TMEM132D: variants seen among roughly 807,000 people sequenced by gnomAD.
TMEM132D encodes mature OL transmembrane protein.
In TMEM132D, 21 loss-of-function variants were observed where a neutral mutation model predicts 62.3. The ratio of observed to expected loss-of-function variants is 0.34; its 90% CI spans 0.24 to 0.49. TMEM132D has a LOEUF of 0.49. TMEM132D is among the 20% of genes least tolerant of loss of function. The pLI, the probability that TMEM132D is intolerant of heterozygous loss-of-function variation, is 0.99. For missense variants in TMEM132D, 1,346 were observed against 1,402.8 expected, an observed-to-expected ratio of 0.96 and a Z score of 0.65; for synonymous variants, 621 against 575.6, an observed-to-expected ratio of 1.08 and a Z score of -1.13.
chr12:129,281,747 C>T (rs1446429692), intron 4 of TMEM132D, among the ~76,000 whole-genome samples: 1 of 152,216 alleles, frequency 6.6e-6, no homozygotes, highest in Admixed American at 6.5e-5. Flanking sequence ...CAGCTCCCAG[C>T]TCCCATTGGC....
chr12:129,530,261 G>T (rs757051061), intron 3 of TMEM132D, among the ~76,000 whole-genome samples: 7 of 152,130 alleles, frequency 4.6e-5, no homozygotes, highest in Non-Finnish European at 1.0e-4. Flanking sequence ...CACTGAGCTA[G>T]GAAGTTTAAA....
At chr12:129,663,296 G>A (rs563414764) in intron 2 of TMEM132D, among the ~76,000 whole-genome samples, 17 of 152,270 alleles carry the variant, frequency 1.1e-4, no homozygotes, top group African/African-American at 2.6e-4. Flanking sequence ...GTGCCACCAC[G>A]TCCAGCTAAT....
At chr12:129,151,566 T>C (rs879647477) in intron 5 of TMEM132D, among the ~76,000 whole-genome samples, 4 of 152,196 alleles carry the variant, frequency 2.6e-5, no homozygotes, top group African/African-American at 4.8e-5. Flanking sequence ...GGCACCCATA[T>C]GGTCACGGCG....
chr12:129,882,793 T>C (rs960919670), intron 1 of TMEM132D, among the ~76,000 whole-genome samples: 3 of 152,146 alleles, frequency 2.0e-5, no homozygotes, highest in Admixed American at 2.0e-4. Context: ...TGGCAATTGG[T>C]GCAATAGAAG....
intron 5 of TMEM132D, among the ~76,000 whole-genome samples, chr12:129,121,488 A>G (rs1004117686): frequency 6.6e-6 from 1 of 152,188 alleles, no homozygotes; most frequent in Non-Finnish European, 1.5e-5. Context: ...CAAAAGAGTC[A>G]TTTGGGAAAG....
chr12:129,704,694 T>C lies in TMEM132D; in HGVS notation c.80-3996A>G, dbSNP rs78772329. ...CCCCCAGGGATGCCGGGTCATATGG[T>C]AACATGCAACGCCAATGTAAACAAG... is the stretch of plus-strand genomic sequence containing the variant. On this transcript the variant is annotated intron_variant, in intron 1 of 8. Coordinates refer to ENST00000422113, the MANE Select transcript of TMEM132D (RefSeq NM_133448.3). 4.8e-4 allele frequency among the ~76,000 whole-genome samples: 70 copies of C among 146,446 alleles called. No individual in the cohort carries two copies. In the East Asian group the frequency reaches 0.013, roughly 28 times the overall value.
chr12:129,529,435 C>A (rs981241161), intron 3 of TMEM132D, among the ~76,000 whole-genome samples: 2 of 152,236 alleles, frequency 1.3e-5, no homozygotes, highest in African/African-American at 4.8e-5. Context: ...AAGGAGCCAC[C>A]ATTGGGCCCC....
At chr12:129,890,244 T>C (rs939902863) in intron 1 of TMEM132D, among the ~76,000 whole-genome samples, 4 of 152,146 alleles carry the variant, frequency 2.6e-5, no homozygotes, top group Non-Finnish European at 4.4e-5. Context: ...ATCTGGAACT[T>C]GGCGCAGGGC....
chr12:129,715,627 T>C (rs1868543497), intron 1 of TMEM132D, among the ~76,000 whole-genome samples: 1 of 152,198 alleles, frequency 6.6e-6, no homozygotes, highest in Middle Eastern at 3.2e-3. Context: ...CAATTCAACG[T>C]TCCTTTACTC....
chr12:129,425,349 C>G (rs1249729113), intron 3 of TMEM132D, among the ~76,000 whole-genome samples: 1 of 150,746 alleles, frequency 6.6e-6, no homozygotes, highest in Non-Finnish European at 1.5e-5. Flanking sequence ...AGTTGCTGCA[C>G]TATTTTCCAT....
intron 2 of TMEM132D, among the ~76,000 whole-genome samples, chr12:129,577,569 G>A (rs1052561808): frequency 6.6e-6 from 1 of 151,590 alleles, no homozygotes; most frequent in East Asian, 1.9e-4. Flanking sequence ...TTTTATATTA[G>A]ATTTGTATAA....
intron 4 of TMEM132D, among the ~76,000 whole-genome samples, chr12:129,234,882 T>A (rs976221109): frequency 1.3e-5 from 2 of 152,230 alleles, no homozygotes; most frequent in Admixed American, 1.3e-4. Flanking sequence ...GAGTTAGGCA[T>A]CTTATATGCA....
At chr12:129,527,489 C>T (rs1486590783) in intron 3 of TMEM132D, among the ~76,000 whole-genome samples, 2 of 152,124 alleles carry the variant, frequency 1.3e-5, no homozygotes, top group African/African-American at 4.8e-5. Flanking sequence ...GAGATACTAG[C>T]CCTTAAAAGA....
intron 5 of TMEM132D, among the ~76,000 whole-genome samples, chr12:129,145,957 A>C (rs908316655): frequency 1.3e-5 from 2 of 152,146 alleles, no homozygotes; most frequent in African/African-American, 2.4e-5. Flanking sequence ...GCCTAAAACA[A>C]AACAAAACTG....
intron 3 of TMEM132D, among the ~76,000 whole-genome samples, chr12:129,400,724 C>T (rs771990836): frequency 3.1e-4 from 47 of 152,114 alleles, no homozygotes; most frequent in Non-Finnish European, 5.0e-4. Flanking sequence ...AAAATTTATA[C>T]TTTCTTAAAG....
In TMEM132D at chr12:129,884,246, T is replaced by C. The variant is rs149049156; in HGVS notation, c.79+19015A>G. Among the ~76,000 whole-genome samples, 550 of 152,296 alleles carry C rather than the reference T, an allele frequency of 3.6e-3. 2 individuals carry two copies. Among genetic ancestry groups the C allele is most frequent in the Non-Finnish European group, 6.0e-3 (410 of 68,012 alleles). ...AGATATGGCAATATCAGTTACATAA[T>C]AGAAAAGAAGATAAACTGGATGTCT... On this transcript the variant is annotated intron_variant, in intron 1 of 8. Coordinates refer to ENST00000422113, the MANE Select transcript of TMEM132D (RefSeq NM_133448.3).
intron 4 of TMEM132D, among the ~76,000 whole-genome samples, chr12:129,292,976 T>C (rs2135620870): frequency 6.6e-6 from 1 of 152,150 alleles, no homozygotes; most frequent in Admixed American, 6.5e-5. Context: ...AGTAGAGATA[T>C]TGGTGGATCT....
chr12:129,227,228 A>C (rs1459436578), intron 4 of TMEM132D, among the ~76,000 whole-genome samples: 5 of 143,214 alleles, frequency 3.5e-5, no homozygotes, highest in Non-Finnish European at 7.9e-5. Context: ...CTGCTACAGA[A>C]GATGCCAAGT....
intron 2 of TMEM132D, among the ~76,000 whole-genome samples, chr12:129,576,508 A>G (rs1030627343): frequency 1.3e-5 from 2 of 151,826 alleles, no homozygotes; most frequent in African/African-American, 2.4e-5. Flanking sequence ...TTACATAAAT[A>G]TATACACATA....
Sources: gnomAD v4.1 joint callset for allele counts (sites outside exome capture counted in the v4.1 genomes callset) on GRCh38, gnomAD v4.1.1 for gene constraint, MANE v1.5 for transcripts, NCBI Gene and HGNC (gene_info 2026-07-23, HGNC 2026-07-21) for gene names.